The following SAXO1 variants were observed in gnomAD, a reference collection of about 807,000 sequenced individuals.
SAXO1 encodes the protein stabilizer of axonemal microtubules 1.
Under a neutral mutation model 17.5 loss-of-function variants are expected in SAXO1, and 21 were observed. That is an observed-to-expected ratio of 1.20 (90% CI 0.85 to 1.72). The LOEUF is 1.72. Ranked by LOEUF, SAXO1 falls within the 40% of genes most tolerant of loss-of-function variation. SAXO1 has a pLI of 0.00. For missense variants in SAXO1, 843 were observed against 596.0 expected (o/e 1.41, Z -4.32); for synonymous variants, 274 against 216.5 (o/e 1.27, Z -2.33).
At chr9:19,023,917 T>G (rs148526343) in intron 1 of SAXO1, among the ~76,000 whole-genome samples, 89 of 151,034 alleles carry the variant, frequency 5.9e-4, no homozygotes, top group African/African-American at 2.1e-3. Flanking sequence ...GGTGGGAAGA[T>G]TGCTTGAGCC....
intron 2 of SAXO1, among the ~76,000 whole-genome samples, chr9:18,943,836 G>A (rs1050780973): frequency 1.3e-5 from 2 of 152,204 alleles, no homozygotes; most frequent in African/African-American, 4.8e-5. Context: ...AGCATCTAGG[G>A]ATGCTTTCCA....
chr9:18,976,364 C>T (rs957035011), intron 1 of SAXO1, among the ~76,000 whole-genome samples: 1 of 152,182 alleles, frequency 6.6e-6, no homozygotes, highest in Non-Finnish European at 1.5e-5. Flanking sequence ...AGGGAGAGAG[C>T]TCTTGCTACA....
rs183681561 is a variant in SAXO1, at chr9:18,999,439, C to T, written c.38+33432G>A. 1.1e-4 allele frequency among the ~76,000 whole-genome samples: 16 copies of T among 152,112 alleles called. No individual in the cohort carries two copies. In the East Asian group the frequency reaches 3.1e-3, roughly 29 times the overall value. On this transcript the variant is annotated intron_variant, in intron 1 of 3. Transcript: ENST00000380534. ...CCACCATCTGGGAAGTGAGGAGCGC[C>T]TCCACCCGGCTGCCCCACCATCTGG...
At chr9:18,945,719 C>T (rs530701973) in intron 2 of SAXO1, among the ~76,000 whole-genome samples, 64 of 152,300 alleles carry the variant, frequency 4.2e-4, no homozygotes, top group Middle Eastern at 3.4e-3. Flanking sequence ...TCAACTCCCA[C>T]TAAGGCTGAG....
chr9:19,027,823 A>G (rs1001805856), intron 1 of SAXO1: 11 of 1,481,868 alleles, frequency 7.4e-6, no homozygotes, highest in Middle Eastern at 1.7e-4. Flanking sequence ...AGGTAATTGC[A>G]GTCACAAACC....
intron 2 of SAXO1, among the ~76,000 whole-genome samples, chr9:18,948,428 T>C (rs892814086): frequency 1.3e-5 from 2 of 152,208 alleles, no homozygotes; most frequent in Non-Finnish European, 2.9e-5. Flanking sequence ...GCCCTTATGT[T>C]CATTAACAGC....
At chr9:18,951,445 G>A (rs1401287188) in intron 1 of SAXO1, among the ~76,000 whole-genome samples, 1 of 152,132 alleles carries the variant, frequency 6.6e-6, no homozygotes, top group East Asian at 1.9e-4. Flanking sequence ...ATCATTCAAA[G>A]CAAAATCACC....
intron 1 of SAXO1, among the ~76,000 whole-genome samples, chr9:19,010,661 C>T (rs1478831379): frequency 1.3e-5 from 2 of 152,004 alleles, no homozygotes; most frequent in African/African-American, 2.4e-5. Flanking sequence ...GCTGACTCTC[C>T]AGAATAGAAG....
intron 1 of SAXO1, among the ~76,000 whole-genome samples, chr9:19,000,231 G>A (rs1177421269): frequency 6.6e-6 from 1 of 151,100 alleles, no homozygotes; most frequent in Non-Finnish European, 1.5e-5. Context: ...TGGGAAGTGA[G>A]GAGCGCCTCT....
intron 1 of SAXO1, among the ~76,000 whole-genome samples, chr9:19,018,769 C>T (rs553002945): frequency 4.6e-5 from 7 of 152,308 alleles, no homozygotes; most frequent in South Asian, 4.1e-4. Flanking sequence ...AGAGACAGGA[C>T]GCTGAAGTCT....
intron 1 of SAXO1, among the ~76,000 whole-genome samples, chr9:18,971,782 A>G (rs747182416): frequency 1.1e-4 from 17 of 152,156 alleles, no homozygotes; most frequent in Non-Finnish European, 1.8e-4. Flanking sequence ...GAAACTTTTT[A>G]AGTCATCCCT....
At chr9:18,979,306 G>C (rs1344422991) in intron 1 of SAXO1, among the ~76,000 whole-genome samples, 3 of 152,146 alleles carry the variant, frequency 2.0e-5, no homozygotes, top group Non-Finnish European at 4.4e-5. Context: ...ATGCTAAATG[G>C]ACCTGAGAAG....
chr9:18,994,338 A>C (rs764852419), intron 1 of SAXO1, among the ~76,000 whole-genome samples: 1 of 152,208 alleles, frequency 6.6e-6, no homozygotes, highest in African/African-American at 2.4e-5. Flanking sequence ...GGATGGGTTA[A>C]AGTTACTGTT....
intron 1 of SAXO1, among the ~76,000 whole-genome samples, chr9:19,008,963 C>G (rs141969703): frequency 6.6e-6 from 1 of 152,300 alleles, no homozygotes; most frequent in Non-Finnish European, 1.5e-5. Flanking sequence ...AGCAATTGAT[C>G]ATCTGGCTAA....
chr9:18,932,675 G>A (rs1238816233), intron 3 of SAXO1, among the ~76,000 whole-genome samples: 2 of 152,260 alleles, frequency 1.3e-5, no homozygotes, highest in East Asian at 3.9e-4. Flanking sequence ...AACACAGAAT[G>A]TCCATCATTT....
intron 1 of SAXO1, among the ~76,000 whole-genome samples, chr9:19,007,615 T>G (rs1834537847): frequency 6.6e-6 from 1 of 152,228 alleles, no homozygotes; most frequent in Non-Finnish European, 1.5e-5. Context: ...TACTTTCTTT[T>G]CTTAGGACTC....
intron 3 of SAXO1, among the ~76,000 whole-genome samples, chr9:18,932,245 G>T (rs1831085690): frequency 6.6e-6 from 1 of 152,184 alleles, no homozygotes; most frequent in Admixed American, 6.5e-5. Context: ...CTTTTTGCAT[G>T]TGGATATCCA....
At chr9:18,951,906 C>T (rs1316564738) in intron 1 of SAXO1, among the ~76,000 whole-genome samples, 1 of 152,050 alleles carries the variant, frequency 6.6e-6, no homozygotes, top group African/African-American at 2.4e-5. Context: ...CTGGCACATT[C>T]GGTAAATATT....
rs1278522185 is a variant in SAXO1 at position 19,027,568 on chromosome 9, G to A, written c.38+5303C>T. The A allele has an allele frequency of 3.7e-6, 5 of 1,354,962 alleles. No homozygotes were observed. The Admixed American group carries it at 6.7e-5, about 18-fold the overall frequency. The allele number at this position is 1,354,962 out of a possible 1,614,324, so 83.9% of individuals were successfully genotyped here. On this transcript the variant is annotated intron_variant, in intron 1 of 3. Transcript: ENST00000380534. ...CCTGGGCCTGTAGGGCACAGACTAA[G>A]GCCACCTTCCTAAAGCTGACTGGCC... is the stretch of plus-strand genomic sequence containing the variant.
Sources: allele counts gnomAD v4.1 joint callset (sites outside exome capture counted in the v4.1 genomes callset), GRCh38; gene constraint gnomAD v4.1.1; transcripts MANE v1.5; gene names NCBI Gene and HGNC (gene_info 2026-07-23, HGNC 2026-07-21).